The following WIPI1 variants were observed in gnomAD, a reference collection of about 807,000 sequenced individuals.
The protein encoded by WIPI1 is WD repeat domain phosphoinositide-interacting protein 1.
WIPI1 carries 45 observed loss-of-function variants against 55.3 expected under a neutral mutation model. The observed-to-expected ratio is 0.81, with a 90% CI of 0.64 to 1.04. WIPI1 has a LOEUF of 1.04. Among genes scored for constraint, WIPI1 ranks in the 50% least tolerant of loss-of-function variants. The pLI is 0.00. For synonymous variants in WIPI1, 195 were observed against 217.6 expected (o/e 0.90, Z 0.92); for missense variants, 445 against 559.0 (o/e 0.80, Z 2.06).
chr17:68,430,892 CT>C (rs1346580587), intron 8 of WIPI1, among the ~76,000 whole-genome samples: 1 of 152,190 alleles, frequency 6.6e-6, no homozygotes, highest in African/African-American at 2.4e-5. Context: ...GGATTAGGTC[CT>C]GGTGGGAAGC....
At chr17:68,453,771 C>T (rs2084579000) in intron 1 of WIPI1, among the ~76,000 whole-genome samples, 1 of 152,080 alleles carries the variant, frequency 6.6e-6, no homozygotes, top group Non-Finnish European at 1.5e-5. Flanking sequence ...CATGCCTGGT[C>T]TAAGAAATAC....
chr17:68,426,810 C>T (rs1435537721), intron 11 of WIPI1, among the ~76,000 whole-genome samples: 1 of 152,224 alleles, frequency 6.6e-6, no homozygotes, highest in Non-Finnish European at 1.5e-5. Flanking sequence ...GCTGGGATTA[C>T]AGGTGTGAGC....
Position 68,434,596 on chromosome 17 carries a change from C to T in WIPI1, c.652G>A (p.Asp218Asn). Residue 218 changes from aspartate (D) to asparagine (N), a missense_variant, in exon 7 of 13, where the codon GAT (aspartate) becomes AAT (asparagine). Physicochemically the swap from Asp to Asn is conservative, Grantham distance 23. Coordinates refer to ENST00000262139, the MANE Select transcript of WIPI1 (RefSeq NM_017983.7). ...CGGAACTCATAGAGCTTTTGCCCAT[C>T]AGGGACAGAGAACACCCGGATGACT... Reference protein sequence around the residue: ...GTVIRVFSVPDGQKLYEFRRG... With the variant: ...GTVIRVFSVPNGQKLYEFRRG... 1 of 1,614,040 alleles carries T rather than the reference C, an allele frequency of 6.2e-7. No individual in the cohort carries two copies. The highest frequency in any genetic ancestry group is 8.5e-7 in the Non-Finnish European group (1 of 1,179,924).
chr17:68,444,218 ACCTTACGTG>A (rs1326903742), intron 4 of WIPI1, among the ~76,000 whole-genome samples: 1 of 152,150 alleles, frequency 6.6e-6, no homozygotes, highest in Non-Finnish European at 1.5e-5. Flanking sequence ...TTACATGTCT[ACCTTACGTG>A]CCTTGACACA....
intron 3 of WIPI1, among the ~76,000 whole-genome samples, chr17:68,447,416 G>T (rs886549601): frequency 2.6e-5 from 4 of 152,032 alleles, no homozygotes; most frequent in Middle Eastern, 3.2e-3. Context: ...GGGTCTTGCT[G>T]TGTCACCTAG....
chr17:68,440,286 G>A (rs1334007694), intron 4 of WIPI1, among the ~76,000 whole-genome samples: 1 of 152,160 alleles, frequency 6.6e-6, no homozygotes, highest in Non-Finnish European at 1.5e-5. Flanking sequence ...AAAATCCAAC[G>A]AGCCACACGA....
chr17:68,433,760 G>GTTTTTTTTTTTTTTTTTTTTTTTT (rs556777098), intron 7 of WIPI1, among the ~76,000 whole-genome samples, 185 bp from the exon 8 acceptor site: 1 of 72,822 alleles, frequency 1.4e-5, no homozygotes, highest in African/African-American at 6.5e-5. Context: ...AAGGGTCATA[G>GTTTTTTTTTTTTTTTTTTTTTTTT]TTTTTTTTTT....
intron 5 of WIPI1, 143 bp downstream of exon 5, chr17:68,436,239 A>G: frequency 1.4e-6 from 1 of 725,352 alleles, no homozygotes; most frequent in Non-Finnish European, 2.4e-6. Flanking sequence ...GGGAAATAGT[A>G]TCACCTTCTC....
intron 3 of WIPI1, among the ~76,000 whole-genome samples, chr17:68,446,177 C>T (rs2084275819): frequency 6.6e-6 from 1 of 152,050 alleles, no homozygotes; most frequent in African/African-American, 2.4e-5. Context: ...AATTTAAACA[C>T]ATTTCTCAAT....
chr17:68,453,048 G>T, intron 1 of WIPI1, 56 bp from the exon 2 acceptor site: 1 of 1,461,540 alleles, frequency 6.8e-7, no homozygotes, highest in Non-Finnish European at 9.6e-7. Context: ...CAACAGATCT[G>T]TCTGCAAATA....
Position 68,430,122 on chromosome 17 carries a change from C to T in WIPI1, c.839G>A (p.Gly280Glu). The T allele has an allele frequency of 6.2e-7, 1 of 1,614,052 alleles. No homozygotes were observed. Among genetic ancestry groups the T allele is most frequent in the Non-Finnish European group, 8.5e-7 (1 of 1,179,986 alleles). ...GTTGGTAGCAGCCATAAACATCTTTCCCATGTAGCCACTCCAGGTCGAAGG... is the reference window on the plus strand; with the variant it reads ...GTTGGTAGCAGCCATAAACATCTTTTCCATGTAGCCACTCCAGGTCGAAGG... ...EEPSTWSGYM[G>E]KMFMAATNYL... The change falls in exon 9 of 13, where the codon GGA becomes GAA. Residue 280 changes from glycine (G) to glutamate (E), a missense_variant. Physicochemically the swap from Gly to Glu is moderately conservative, Grantham distance 98. Coordinates refer to ENST00000262139, the MANE Select transcript of WIPI1 (RefSeq NM_017983.7).
Position 68,450,888 on chromosome 17 carries a change from G to A in WIPI1, c.173C>T (p.Pro58Leu), listed in dbSNP as rs776365690. ...GAGGCGCTCCACGATGTAGACGTCC[G>A]GGATTTCATCTGGGAGGAAAAGCAG... ...LDQVHGSNEIPDVYIVERLFS... is the reference protein window; with the variant it reads ...LDQVHGSNEILDVYIVERLFS... The change falls in exon 3 of 13, where the codon CCG (proline) becomes CTG (leucine). Residue 58 changes from proline (P) to leucine (L), a missense_variant. Pro to Leu is a moderately conservative substitution (Grantham distance 98). Transcript: ENST00000262139. 2.4e-5 allele frequency: 38 copies of A among 1,611,530 alleles called. No homozygotes were observed. Among genetic ancestry groups the A allele is most frequent in the Middle Eastern group, 3.3e-4 (2 of 6,000 alleles).
chr17:68,432,080 A>G (rs909438673), intron 8 of WIPI1, among the ~76,000 whole-genome samples: 3 of 152,362 alleles, frequency 2.0e-5, no homozygotes, highest in Admixed American at 6.5e-5. Context: ...TATAATCTCC[A>G]GGGAAAGAGT....
In WIPI1 at chr17:68,428,896, C is replaced by T. The variant is rs1235720877; in HGVS notation, c.1006G>A (p.Gly336Arg). ...TCCAAATTGTACATATAAAGGTGTCCACTGGATGACGCAACTAGCAGCCGT... is the reference window on the plus strand; with the variant it reads ...TCCAAATTGTACATATAAAGGTGTCTACTGGATGACGCAACTAGCAGCCGT... ...LPRLLVASSSGHLYMYNLDPQ... is the reference protein window; with the variant it reads ...LPRLLVASSSRHLYMYNLDPQ... The change falls in exon 10 of 13, where the codon GGA becomes AGA. Residue 336 changes from glycine to arginine, a missense_variant. By Grantham distance (125) the Gly-to-Arg change is moderately radical. Transcript: ENST00000262139. The T allele has an allele frequency of 6.2e-7, 1 of 1,614,012 alleles. No individual in the cohort carries two copies. Among genetic ancestry groups the T allele is most frequent in the Admixed American group, 1.7e-5 (1 of 59,994 alleles).
chr17:68,424,541 C>T (rs758007938), intron 12 of WIPI1: 3 of 531,882 alleles, frequency 5.6e-6, no homozygotes, highest in Non-Finnish European at 1.2e-5. Flanking sequence ...AGTGGCAGCT[C>T]CTCTCTGGCT....
intron 1 of WIPI1, 82 bp downstream of exon 1, chr17:68,457,260 C>T (rs1330602726): frequency 6.7e-7 from 1 of 1,493,176 alleles, no homozygotes; most frequent in African/African-American, 1.4e-5. Flanking sequence ...AGGCGGAAGC[C>T]ACAAGCTGCT....
chr17:68,446,178 A>G (rs1397371674), intron 3 of WIPI1, among the ~76,000 whole-genome samples: 1 of 151,548 alleles, frequency 6.6e-6, no homozygotes, highest in Non-Finnish European at 1.5e-5. Flanking sequence ...ATTTAAACAC[A>G]TTTCTCAATT....
intron 6 of WIPI1, among the ~76,000 whole-genome samples, chr17:68,435,105 G>A (rs1016206504): frequency 2.0e-5 from 3 of 151,932 alleles, no homozygotes; most frequent in African/African-American, 7.3e-5. Flanking sequence ...TACTCGGGAG[G>A]CTGAGGCAGG....
intron 4 of WIPI1, among the ~76,000 whole-genome samples, chr17:68,437,948 TAAAA>T (rs199649033): frequency 2.5e-5 from 2 of 78,806 alleles, no homozygotes; most frequent in African/African-American, 4.8e-5. Context: ...ACATCTCTCT[TAAAA>T]AAAAAAAAAA....
Sources: gnomAD v4.1 joint callset for allele counts (sites outside exome capture counted in the v4.1 genomes callset) on GRCh38, gnomAD v4.1.1 for gene constraint, MANE v1.5 for transcripts, NCBI Gene and HGNC (gene_info 2026-07-23, HGNC 2026-07-21) for gene names.